Variants in C2orf80 observed in about 807,000 individuals in gnomAD.
C2orf80 encodes the protein chromosome 2 open reading frame 80, also known as uncharacterized protein C2orf80.
A neutral mutation model predicts 30.2 loss-of-function variants in C2orf80; 28 were observed. The ratio of observed to expected loss-of-function variants is 0.93; its 90% CI spans 0.69 to 1.27. The LOEUF is 1.27. Among genes scored for constraint, C2orf80 ranks in the 50% most tolerant of loss-of-function variants. The pLI is 0.00. For missense variants in C2orf80, 220 were observed against 231.0 expected (o/e 0.95, Z 0.31); for synonymous variants, 80 against 76.4 (o/e 1.05, Z -0.24).
intron 3 of C2orf80, 78 bp from the exon 4 acceptor site, chr2:208,183,125 G>GGTCCA: frequency 9.0e-7 from 1 of 1,112,298 alleles, no homozygotes; most frequent in Non-Finnish European, 1.4e-6. Flanking sequence ...AATGACAATG[G>GGTCCA]GACTGCTAAG....
chr2:208,169,269 T>TTGTGTGTGTGTGTGTGTGTGTG lies in C2orf80; in HGVS notation c.573+1654_573+1675dup, dbSNP rs10658929. On this transcript the variant is annotated intron_variant, in intron 8 of 8. Coordinates refer to ENST00000341287, the MANE Select transcript of C2orf80 (RefSeq NM_001099334.3). ...TGTGTGATTAAGTTTAAAGTCTAGA[T>TTGTGTGTGTGTGTGTGTGTGTG]TGTGTGTGTGTGTGTGTGTGTGTGT... Among the ~76,000 whole-genome samples, 352 of 138,062 alleles carry TTGTGTGTGTGTGTGTGTGTGTG rather than the reference T, an allele frequency of 2.5e-3. 2 individuals are homozygous for TTGTGTGTGTGTGTGTGTGTGTG. Among genetic ancestry groups the TTGTGTGTGTGTGTGTGTGTGTG allele is most frequent in the Middle Eastern group, 0.018 (5 of 276 alleles). 90.6% of individuals were successfully genotyped at this position (138,062 alleles called of 152,430 possible).
intron 6 of C2orf80, among the ~76,000 whole-genome samples, chr2:208,178,020 G>A: frequency 6.6e-6 from 1 of 151,874 alleles, no homozygotes; most frequent in South Asian, 2.1e-4. Flanking sequence ...ATTTCACCGT[G>A]TTGGCCAGGC....
intron 8 of C2orf80, 113 bp downstream of exon 8, chr2:208,170,832 G>C (rs1696074528): frequency 1.2e-6 from 1 of 808,758 alleles, no homozygotes; most frequent in Non-Finnish European, 2.1e-6. Context: ...GTCGGCTCTA[G>C]ATTCAAACCC....
At chr2:208,176,986 T>TATACATATCTGTATAC (rs367562068) in intron 6 of C2orf80, among the ~76,000 whole-genome samples, 2 of 73,758 alleles carry the variant, frequency 2.7e-5, no homozygotes, top group African/African-American at 8.4e-5. Context: ...TACAGAAATG[T>TATACATATCTGTATAC]ATATGTATAC....
intron 8 of C2orf80, among the ~76,000 whole-genome samples, chr2:208,166,658 T>A (rs10177108): frequency 0.63 from 95,515 of 150,722 alleles, 30,603 homozygotes; most frequent in Non-Finnish European, 0.69. Context: ...GTCCTGACAC[T>A]TTTTTTTTTT....
At chr2:208,179,282 G>C (rs973309422) in intron 6 of C2orf80, among the ~76,000 whole-genome samples, 4 of 152,240 alleles carry the variant, frequency 2.6e-5, no homozygotes, top group African/African-American at 9.6e-5. Flanking sequence ...AAAGTGATAG[G>C]AAAGTTGGTT....
chr2:208,177,185 T>C (rs1054161282), intron 6 of C2orf80, among the ~76,000 whole-genome samples: 1 of 147,454 alleles, frequency 6.8e-6, no homozygotes, highest in Non-Finnish European at 1.5e-5. Flanking sequence ...ATATGTAATA[T>C]ACATTATATT....
intron 6 of C2orf80, among the ~76,000 whole-genome samples, chr2:208,173,325 C>T (rs534447794): frequency 1.3e-4 from 20 of 151,938 alleles, no homozygotes; most frequent in Non-Finnish European, 2.6e-4. Context: ...TGCTAATATC[C>T]TATTTATAAA....
chr2:208,184,817 G>C (rs1419071022), intron 3 of C2orf80, 134 bp downstream of exon 3: 8 of 603,152 alleles, frequency 1.3e-5, no homozygotes, highest in Non-Finnish European at 2.3e-5. Flanking sequence ...AGGGTGAGGG[G>C]AAGATGAGGA....
chr2:208,168,964 A>C (rs1336854758), intron 8 of C2orf80, among the ~76,000 whole-genome samples: 2 of 151,638 alleles, frequency 1.3e-5, no homozygotes, highest in Non-Finnish European at 2.9e-5. Flanking sequence ...CTTACTACCT[A>C]CTGCCAATTC....
chr2:208,187,116 C>A, intron 1 of C2orf80, 55 bp from the exon 2 acceptor site: 1 of 811,304 alleles, frequency 1.2e-6, no homozygotes, highest in Non-Finnish European at 2.0e-6. Context: ...CTCCAAATAC[C>A]AGTCATGGAG....
intron 6 of C2orf80, among the ~76,000 whole-genome samples, chr2:208,174,222 G>A (rs1238270641): frequency 6.6e-6 from 1 of 152,134 alleles, no homozygotes; most frequent in Non-Finnish European, 1.5e-5. Context: ...TTAAAGGGCT[G>A]GGACTACAGA....
chr2:208,179,565 C>T (rs1352112822), intron 6 of C2orf80, among the ~76,000 whole-genome samples: 2 of 152,336 alleles, frequency 1.3e-5, no homozygotes, highest in Admixed American at 6.5e-5. Context: ...TTTCCTCTTG[C>T]CTCTTCTGGA....
Position 208,189,965 on chromosome 2 carries a change from G to A in C2orf80, c.-88C>T, listed in dbSNP as rs766023016. On this transcript the variant is annotated 5_prime_UTR_variant, in exon 1 of 9. Coordinates refer to ENST00000341287, the MANE Select transcript of C2orf80 (RefSeq NM_001099334.3). ...GAGAATCGCTCACCAACCGGAGACC[G>A]GTTCCAGTGCTTTTGTTCTTTCTCT... 11 of 702,788 alleles carry A rather than the reference G, an allele frequency of 1.6e-5. No homozygotes were observed. Among genetic ancestry groups the A allele is most frequent in the African/African-American group, 7.0e-5 (4 of 57,254 alleles). The allele number at this position is 702,788 out of a possible 1,614,324, so 43.5% of individuals were successfully genotyped here. A position where few individuals can be genotyped will look rare whatever the true frequency, so the allele number is the denominator to read the frequency against.
rs1386134747 is a variant in C2orf80, at chr2:208,186,933, C to T, written c.41+13G>A. The T allele has an allele frequency of 1.2e-6, 2 of 1,610,936 alleles. No homozygotes were observed. The highest frequency in any genetic ancestry group is 3.3e-5 in the Admixed American group (2 of 60,010). On this transcript the variant is annotated intron_variant, in intron 2 of 8. Coordinates refer to ENST00000341287, the MANE Select transcript of C2orf80 (RefSeq NM_001099334.3). ...AAGTGTCATAAATGAAAGTTATTCTCAGTCATACTTACAAGAGCTTTTTCA... is the reference window on the plus strand; with the variant it reads ...AAGTGTCATAAATGAAAGTTATTCTTAGTCATACTTACAAGAGCTTTTTCA...
intron 6 of C2orf80, among the ~76,000 whole-genome samples, chr2:208,176,640 T>C (rs1026637811): frequency 2.0e-5 from 3 of 152,058 alleles, no homozygotes; most frequent in Non-Finnish European, 4.4e-5. Flanking sequence ...GGCCAAACAC[T>C]AAGGGCTTCA....
intron 1 of C2orf80, 121 bp from the exon 2 acceptor site, chr2:208,187,182 A>G (rs1696743394): frequency 1.8e-6 from 1 of 550,016 alleles, no homozygotes. Flanking sequence ...CTTACTCGGC[A>G]GGTTCAGGGT....
intron 6 of C2orf80, among the ~76,000 whole-genome samples, chr2:208,174,585 TG>T (rs1302560100): frequency 6.6e-6 from 1 of 152,196 alleles, no homozygotes; most frequent in Non-Finnish European, 1.5e-5. Flanking sequence ...CAGGTGTGTT[TG>T]GGTAAGTGTA....
chr2:208,176,924 T>C lies in C2orf80; in HGVS notation c.366+3821A>G, dbSNP rs1696333148. On this transcript the variant is annotated intron_variant, in intron 6 of 8. Transcript: ENST00000341287. ...ACATATCTGTGTATACATATCTGTA[T>C]ACATATGTATACATATCTGTATACA... 1.1e-4 allele frequency among the ~76,000 whole-genome samples: 12 copies of C among 108,292 alleles called. 2 individuals carry two copies. The South Asian group carries it at 3.3e-3, about 29-fold the overall frequency. 71.0% of individuals were successfully genotyped at this position (108,292 alleles called of 152,430 possible).
Sources: gnomAD v4.1 joint callset for allele counts (sites outside exome capture counted in the v4.1 genomes callset) on GRCh38, gnomAD v4.1.1 for gene constraint, MANE v1.5 for transcripts, NCBI Gene and HGNC (gene_info 2026-07-23, HGNC 2026-07-21) for gene names.